Variants in DOCK4 observed in about 807,000 individuals in gnomAD.
DOCK4 encodes dedicator of cytokinesis protein 4.
Under a neutral mutation model 268.1 loss-of-function variants are expected in DOCK4, and 97 were observed. The ratio of observed to expected loss-of-function variants is 0.36; its 90% CI spans 0.31 to 0.43. The LOEUF is 0.43. Among genes scored for constraint, DOCK4 ranks in the 20% least tolerant of loss-of-function variants. DOCK4 has a pLI of 1.00. For synonymous variants in DOCK4, 954 were observed against 887.2 expected, an observed-to-expected ratio of 1.08 and a Z score of -1.34; for missense variants, 2,145 against 2,455.7, an observed-to-expected ratio of 0.87 and a Z score of 2.67.
chr7:111,927,098 A>C (rs1793776751), intron 12 of DOCK4, among the ~76,000 whole-genome samples: 1 of 152,218 alleles, frequency 6.6e-6, no homozygotes, highest in Admixed American at 6.5e-5. Context: ...AGGATAACCC[A>C]AAGGGTCTGA....
At chr7:112,020,939 T>A (rs188085111) in intron 1 of DOCK4, among the ~76,000 whole-genome samples, 209 of 152,286 alleles carry the variant, frequency 1.4e-3, no homozygotes, top group African/African-American at 4.6e-3. Context: ...CTTATCCAAC[T>A]ATTTGTACTT....
intron 1 of DOCK4, among the ~76,000 whole-genome samples, chr7:112,133,607 G>A (rs1159587715): frequency 2.0e-5 from 3 of 152,012 alleles, no homozygotes; most frequent in East Asian, 1.9e-4. Context: ...TGTAGTCCTC[G>A]CTACTTGAGG....
intron 1 of DOCK4, among the ~76,000 whole-genome samples, chr7:112,117,350 C>T (rs7796136): frequency 0.011 from 1,600 of 149,562 alleles, 28 homozygotes; most frequent in African/African-American, 0.036. Context: ...CTTTTATTAG[C>T]TTCATACCTT....
At chr7:111,969,878 G>A (rs1164115589) in intron 8 of DOCK4, among the ~76,000 whole-genome samples, 1 of 152,164 alleles carries the variant, frequency 6.6e-6, no homozygotes, top group Non-Finnish European at 1.5e-5. Flanking sequence ...ATGCTAAGTA[G>A]TTTGCTTGTA....
chr7:111,912,884 AG>A (rs1284669668), intron 13 of DOCK4, among the ~76,000 whole-genome samples: 1 of 152,024 alleles, frequency 6.6e-6, no homozygotes, highest in African/African-American at 2.4e-5. Flanking sequence ...AAACTTCAAA[AG>A]TTTTTAAAAG....
chr7:112,012,054 T>C (rs1038122402), intron 1 of DOCK4, among the ~76,000 whole-genome samples: 1 of 151,948 alleles, frequency 6.6e-6, no homozygotes, highest in Non-Finnish European at 1.5e-5. Context: ...CCTCACAGGA[T>C]GTCACAAGGA....
chr7:111,920,305 C>T (rs1396884794), intron 12 of DOCK4, among the ~76,000 whole-genome samples: 2 of 152,098 alleles, frequency 1.3e-5, no homozygotes, highest in South Asian at 4.1e-4. Flanking sequence ...GTTCTCACTG[C>T]TATAAAATAT....
chr7:111,941,288 A>G (rs1253801857), intron 10 of DOCK4, among the ~76,000 whole-genome samples: 1 of 152,212 alleles, frequency 6.6e-6, no homozygotes, highest in African/African-American at 2.4e-5. Flanking sequence ...TGTATGGCCA[A>G]ATTTCACTCT....
intron 25 of DOCK4, among the ~76,000 whole-genome samples, chr7:111,841,331 A>AT (rs1275900325): frequency 2.0e-5 from 3 of 151,906 alleles, no homozygotes; most frequent in East Asian, 1.9e-4. Context: ...GGCCTGGCTA[A>AT]TTTTTTTGTA....
At chr7:111,903,003 T>TTGAATACTC (rs913117390) in intron 13 of DOCK4, among the ~76,000 whole-genome samples, 2 of 152,210 alleles carry the variant, frequency 1.3e-5, no homozygotes, top group African/African-American at 4.8e-5. Flanking sequence ...TCTCCTGACC[T>TTGAATACTC]TGAATACTCT....
chr7:112,131,070 G>A (rs963906053), intron 1 of DOCK4, among the ~76,000 whole-genome samples: 45 of 152,246 alleles, frequency 3.0e-4, no homozygotes, highest in Non-Finnish European at 5.4e-4. Flanking sequence ...GGAAATGGCC[G>A]GCCGTATGCC....
intron 1 of DOCK4, among the ~76,000 whole-genome samples, chr7:112,199,603 T>C (rs1820743123): frequency 6.6e-6 from 1 of 152,222 alleles, no homozygotes; most frequent in Admixed American, 6.5e-5. Context: ...TTGTCTTATA[T>C]ACTCTAGCCA....
At chr7:111,807,231 A>G (rs1048969658) in intron 30 of DOCK4, among the ~76,000 whole-genome samples, 1 of 152,218 alleles carries the variant, frequency 6.6e-6, no homozygotes, top group Non-Finnish European at 1.5e-5. Flanking sequence ...AACAGATTCA[A>G]TGCAGCATTC....
chr7:111,959,985 C>T (rs1796739651), intron 8 of DOCK4, among the ~76,000 whole-genome samples: 1 of 152,114 alleles, frequency 6.6e-6, no homozygotes. Context: ...TTCTATGAGC[C>T]CTCACTCACT....
intron 10 of DOCK4, among the ~76,000 whole-genome samples, chr7:111,941,593 T>G (rs914367175): frequency 6.6e-6 from 1 of 152,084 alleles, no homozygotes; most frequent in African/African-American, 2.4e-5. Context: ...GGATAAGATT[T>G]CTGAGTGGAG....
At chr7:112,149,572 A>C (rs1049877015) in intron 1 of DOCK4, among the ~76,000 whole-genome samples, 1 of 122,382 alleles carries the variant, frequency 8.2e-6, no homozygotes, top group Non-Finnish European at 1.9e-5. Context: ...CTTATTTTAC[A>C]GAAAATAAAA....
At chr7:112,143,759 AC>A (rs1289840633) in intron 1 of DOCK4, among the ~76,000 whole-genome samples, 1 of 152,022 alleles carries the variant, frequency 6.6e-6, no homozygotes, top group Non-Finnish European at 1.5e-5. Context: ...GCCAAACCCA[AC>A]CCCAGCCATC....
At chr7:111,751,558 C>A (rs1471654016) in intron 42 of DOCK4, among the ~76,000 whole-genome samples, 1 of 152,058 alleles carries the variant, frequency 6.6e-6, no homozygotes, top group Non-Finnish European at 1.5e-5. Flanking sequence ...AATTCTCCTG[C>A]TTCAGCCTCC....
intron 36 of DOCK4, among the ~76,000 whole-genome samples, chr7:111,773,064 T>C (rs1182282880): frequency 5.9e-5 from 9 of 152,152 alleles, no homozygotes; most frequent in Non-Finnish European, 1.2e-4. Flanking sequence ...ACAACACATA[T>C]CTGAGAAAAA....
Sources: allele counts gnomAD v4.1 joint callset (sites outside exome capture counted in the v4.1 genomes callset), GRCh38; gene constraint gnomAD v4.1.1; transcripts MANE v1.5; gene names NCBI Gene and HGNC (gene_info 2026-07-23, HGNC 2026-07-21).